UPF2: variants seen among roughly 807,000 people sequenced by gnomAD.
UPF2 encodes the protein UPF2 regulator of nonsense mediated mRNA decay.
A neutral mutation model predicts 141.4 loss-of-function variants in UPF2; 17 were observed. The observed-to-expected ratio is 0.12, with a 90% CI of 0.08 to 0.18. UPF2 has a LOEUF of 0.18. Ranked by LOEUF, UPF2 falls within the 10% of genes least tolerant of loss-of-function variation. UPF2 has a pLI of 1.00. For missense variants in UPF2, 1,152 were observed against 1,515.9 expected, an observed-to-expected ratio of 0.76 and a Z score of 3.99; for synonymous variants, 540 against 498.0, an observed-to-expected ratio of 1.08 and a Z score of -1.12.
rs1300033 is a variant in UPF2 at position 12,042,191 on chromosome 10, A to C, written c.-19+564T>G. On this transcript the variant is annotated intron_variant, in intron 1 of 21. Coordinates refer to ENST00000357604, the MANE Select transcript of UPF2 (RefSeq NM_015542.4). This position sits in a 1 kb window ranked among gnomAD's most constrained non-coding sequence, Gnocchi z 5.5. ...TGCTCTGGTGGTGTAGGAACCTCTAAACCCACCACACTTCCCCGACACAAC... is the reference window on the plus strand; with the variant it reads ...TGCTCTGGTGGTGTAGGAACCTCTACACCCACCACACTTCCCCGACACAAC... Among the ~76,000 whole-genome samples, 125,498 of 150,296 alleles carry C rather than the reference A, an allele frequency of 0.84. 52,680 individuals carry two copies. Among genetic ancestry groups the C allele is most frequent in the Non-Finnish European group, 0.89 (59,935 of 67,684 alleles).
chr10:11,952,172 G>C lies in UPF2; in HGVS notation c.2928C>G (p.Ile976Met), dbSNP rs775522132. The C allele has an allele frequency of 6.2e-7, 1 of 1,613,644 alleles. No homozygotes were observed. Among genetic ancestry groups the C allele is most frequent in the Non-Finnish European group, 8.5e-7 (1 of 1,179,818 alleles). The change falls in exon 15 of 22, where the codon ATC becomes ATG. Residue 976 changes from isoleucine (I) to methionine (M), a missense_variant. Ile to Met is a conservative substitution (Grantham distance 10). Coordinates refer to ENST00000357604, the MANE Select transcript of UPF2 (RefSeq NM_015542.4). ...GTCTTAGCAGTTCTAGTGTATCACT[G>C]ATCATGTAATCTATATCAATAGGAA... Reference protein sequence around the residue: ...HPFPIDIDYMISDTLELLRPK... With the variant: ...HPFPIDIDYMMSDTLELLRPK...
intron 1 of UPF2, among the ~76,000 whole-genome samples, chr10:12,038,389 C>CACAG (rs2131320908): frequency 1.3e-5 from 2 of 148,154 alleles, no homozygotes; most frequent in South Asian, 4.4e-4. Flanking sequence ...CACACACACA[C>CACAG]ACACACACAC....
Position 11,992,309 on chromosome 10 carries a change from T to C in UPF2, c.1844+5363A>G, listed in dbSNP as rs565122280. ...GTGTGCCGCTTGCCTACTGAAATAA[T>C]GCTGAAAGTTAAATATCACTCAAAT... On this transcript the variant is annotated intron_variant, in intron 8 of 21. Coordinates refer to ENST00000357604, the MANE Select transcript of UPF2 (RefSeq NM_015542.4). The surrounding 1 kb of genome is among the most constrained non-coding windows in gnomAD (Gnocchi z 4.1). Among the ~76,000 whole-genome samples, 7 of 152,242 alleles carry C rather than the reference T, an allele frequency of 4.6e-5. No individual in the cohort carries two copies. The highest frequency in any genetic ancestry group is 9.6e-5 in the African/African-American group (4 of 41,536).
Position 11,959,278 on chromosome 10 carries a change from A to C in UPF2, c.2263T>G (p.Cys755Gly). 1 of 1,613,384 alleles carries C rather than the reference A, an allele frequency of 6.2e-7. No homozygotes were observed. Among genetic ancestry groups the C allele is most frequent in the Non-Finnish European group, 8.5e-7 (1 of 1,179,818 alleles). The change falls in exon 12 of 22, where the codon TGC (cysteine) becomes GGC (glycine). Residue 755 changes from cysteine (C) to glycine (G), a missense_variant. Cys to Gly is a radical substitution (Grantham distance 159). Transcript: ENST00000357604. The surrounding 1 kb of genome is among the most constrained non-coding windows in gnomAD (Gnocchi z 5.9). ...VTMVENAYYY[C>G]NPPPAEKTVK... ...GTTTTTTCAGCTGGAGGTGGGTTGC[A>C]GTAGTAATATGCATTCTCTACCATT...
chr10:11,957,354 G>A (rs941588477), intron 12 of UPF2, among the ~76,000 whole-genome samples: 1 of 151,706 alleles, frequency 6.6e-6, no homozygotes, highest in Non-Finnish European at 1.5e-5. Flanking sequence ...ACTTGAACCC[G>A]GGAGGCAGAG....
chr10:11,986,728 C>G (rs1263379878), intron 8 of UPF2, among the ~76,000 whole-genome samples: 1 of 152,138 alleles, frequency 6.6e-6, no homozygotes, highest in East Asian at 1.9e-4. Flanking sequence ...ACTCTGAAAT[C>G]GACAACCAAA....
At chr10:11,978,695 TC>T (rs1447103223) in intron 9 of UPF2, among the ~76,000 whole-genome samples, 2 of 152,088 alleles carry the variant, frequency 1.3e-5, no homozygotes, top group Non-Finnish European at 2.9e-5. Context: ...AAGAAGCATA[TC>T]CTATGTGGCA....
rs542238516 is a variant in UPF2 at position 11,998,323 on chromosome 10, C to G, written c.1759-566G>C. Among the ~76,000 whole-genome samples, 13 of 152,236 alleles carry G rather than the reference C, an allele frequency of 8.5e-5. No individual in the cohort carries two copies. Among genetic ancestry groups the G allele is most frequent in the Non-Finnish European group, 1.8e-4 (12 of 68,016 alleles). On this transcript the variant is annotated intron_variant, in intron 7 of 21. Coordinates refer to ENST00000357604, the MANE Select transcript of UPF2 (RefSeq NM_015542.4). The surrounding 1 kb of genome is among the most constrained non-coding windows in gnomAD (Gnocchi z 4.5). ...ATTCTTCCAAAAGAAACTCAACTGT[C>G]TTCAATCCCCTGTCTAAAATTTCAT...
At chr10:12,030,082 C>G (rs954605392) in intron 2 of UPF2, among the ~76,000 whole-genome samples, 2 of 151,816 alleles carry the variant, frequency 1.3e-5, no homozygotes, top group Non-Finnish European at 2.9e-5. Context: ...GCAGAGGATA[C>G]TGACACTAGA....
chr10:11,943,887 G>C (rs1316530493), intron 16 of UPF2, among the ~76,000 whole-genome samples: 3 of 151,406 alleles, frequency 2.0e-5, no homozygotes, highest in African/African-American at 2.4e-5. Context: ...AGAAGATGGG[G>C]CAGAGCACCG....
In UPF2 at chr10:12,013,925, T is replaced by A. The variant is rs531066351; in HGVS notation, c.1306+99A>T. On this transcript the variant is annotated intron_variant, in intron 4 of 21. Transcript: ENST00000357604. ...CATTTTGAAAATGTTGACGCCATTT[T>A]AAAAACTTAAATTCTCAATACTGCA... 34 of 1,263,344 alleles carry A rather than the reference T, an allele frequency of 2.7e-5. No homozygotes were observed. In the African/African-American group the frequency reaches 3.7e-4, roughly 14 times the overall value. The allele number at this position is 1,263,344 out of a possible 1,614,324, so 78.3% of individuals were successfully genotyped here. A position where few individuals can be genotyped will look rare whatever the true frequency, so the allele number is the denominator to read the frequency against.
intron 2 of UPF2, among the ~76,000 whole-genome samples, chr10:12,034,531 G>A (rs1314322771): frequency 1.4e-5 from 2 of 143,682 alleles, no homozygotes; most frequent in Non-Finnish European, 3.1e-5. Context: ...ACAGCCAGGT[G>A]CGGTGGCTCA....
chr10:11,993,149 C>CAAAA (rs561323595), intron 8 of UPF2, among the ~76,000 whole-genome samples: 29 of 80,534 alleles, frequency 3.6e-4, no homozygotes, highest in East Asian at 1.1e-3. Flanking sequence ...GGCTCCACCT[C>CAAAA]AAAAAAAAAA....
At chr10:12,027,107 G>C (rs555419883) in intron 3 of UPF2, among the ~76,000 whole-genome samples, 1 of 152,170 alleles carries the variant, frequency 6.6e-6, no homozygotes, top group East Asian at 1.9e-4. Context: ...TCATTTTGTG[G>C]GAAGTTAAAT....
chr10:12,029,176 T>A lies in UPF2; in HGVS notation c.714A>T (p.Pro238=). 6 of 1,614,212 alleles carry A rather than the reference T, an allele frequency of 3.7e-6. No individual in the cohort carries two copies. The highest frequency in any genetic ancestry group is 5.1e-6 in the Non-Finnish European group (6 of 1,180,034). ...LFHQRYADFA[P]SLLQVWKKHF... ...GTTTTTTCCAGACCTGAAGAAGTGATGGGGCAAAGTCAGCATAACGCTGGT... is the reference window on the plus strand; with the variant it reads ...GTTTTTTCCAGACCTGAAGAAGTGAAGGGGCAAAGTCAGCATAACGCTGGT... Residue 238 remains proline, a synonymous_variant, in exon 3 of 22, where the codon CCA becomes CCT. Transcript: ENST00000357604.
rs541444809 is a variant in UPF2 at position 12,023,249 on chromosome 10, A to T, written c.1145+5496T>A. 1.6e-3 allele frequency among the ~76,000 whole-genome samples: 238 copies of T among 152,336 alleles called. 1 individual carries two copies. Among genetic ancestry groups the T allele is most frequent in the Non-Finnish European group, 2.6e-3 (178 of 68,030 alleles). On this transcript the variant is annotated intron_variant, in intron 3 of 21. Transcript: ENST00000357604. ...TCAAAGCATATAAAGAGCACTTAAC[A>T]TTATAAAAGGCAAAACTCACTGAGA...
chr10:11,950,170 A>G (rs763687166), intron 15 of UPF2, among the ~76,000 whole-genome samples: 3 of 152,202 alleles, frequency 2.0e-5, no homozygotes, highest in Non-Finnish European at 4.4e-5. Context: ...ACTGTCATGA[A>G]CACATTACTT....
chr10:11,938,853 G>GTTTTGTTTTTTTTTTTTT lies in UPF2; in HGVS notation c.3379-2142_3379-2141insAAAAAAAAAAAAACAAAA, dbSNP rs1832889729. On this transcript the variant is annotated intron_variant, in intron 18 of 21. Transcript: ENST00000357604. ...GTGGTCTTAAGCAAGTTTTTTTTTTGTTTTTTTTTTTTTTTTTTTTTTTTT... is the reference window on the plus strand; with the variant it reads ...GTGGTCTTAAGCAAGTTTTTTTTTTGTTTTGTTTTTTTTTTTTTTTTTTTTTTTTTTTTTTTTTTTTTT... Among the ~76,000 whole-genome samples, 5 of 79,832 alleles carry GTTTTGTTTTTTTTTTTTT rather than the reference G, an allele frequency of 6.3e-5. No homozygotes were observed. The East Asian group carries it at 1.4e-3, about 23-fold the overall frequency. The allele number at this position is 79,832 out of a possible 152,430, so 52.4% of individuals were successfully genotyped here. A position where few individuals can be genotyped will look rare whatever the true frequency, so the allele number is the denominator to read the frequency against.
chr10:11,958,754 T>C (rs1344755177), intron 12 of UPF2, among the ~76,000 whole-genome samples: 1 of 152,298 alleles, frequency 6.6e-6, no homozygotes, highest in East Asian at 1.9e-4. Context: ...GCAGACCCTG[T>C]TTCCAGAAAA....
Sources: allele counts gnomAD v4.1 joint callset (sites outside exome capture counted in the v4.1 genomes callset), GRCh38; gene constraint gnomAD v4.1.1; non-coding constraint Gnocchi (gnomAD v3.1); transcripts MANE v1.5; gene names NCBI Gene and HGNC (gene_info 2026-07-23, HGNC 2026-07-21).